The following MYBPC1 variants were observed in gnomAD, a reference collection of about 807,000 sequenced individuals.
MYBPC1 encodes the protein myosin binding protein C1, also known as myosin-binding protein C, slow-type.
A neutral mutation model predicts 147.1 loss-of-function variants in MYBPC1; 52 were observed. That is an observed-to-expected ratio of 0.35 (90% CI 0.28 to 0.45). The LOEUF is 0.45. MYBPC1 is among the 20% of genes least tolerant of loss of function. The pLI, the probability that MYBPC1 is intolerant of heterozygous loss-of-function variation, is 1.00. For missense variants in MYBPC1, 1,228 were observed against 1,440.3 expected, an observed-to-expected ratio of 0.85 and a Z score of 2.39; for synonymous variants, 477 against 475.9, an observed-to-expected ratio of 1.00 and a Z score of -0.03.
chr12:101,664,105 T>C (rs994400640), intron 22 of MYBPC1, among the ~76,000 whole-genome samples: 7 of 152,308 alleles, frequency 4.6e-5, no homozygotes, highest in African/African-American at 9.6e-5. Flanking sequence ...AAGTTCAATA[T>C]GTAGCAGTAA....
intron 22 of MYBPC1, chr12:101,666,623 A>C: frequency 6.0e-6 from 6 of 998,462 alleles, no homozygotes; most frequent in Non-Finnish European, 7.9e-6. Flanking sequence ...CACTGCTCTG[A>C]GGACAAATCT....
intron 28 of MYBPC1, among the ~76,000 whole-genome samples, chr12:101,678,441 C>T (rs1469484372): frequency 2.6e-5 from 4 of 152,180 alleles, no homozygotes; most frequent in Non-Finnish European, 2.9e-5. Flanking sequence ...CTAAGGGATT[C>T]CTTCTAAAGA....
chr12:101,673,146 T>C (rs944841445), intron 24 of MYBPC1, among the ~76,000 whole-genome samples: 1 of 152,202 alleles, frequency 6.6e-6, no homozygotes, highest in African/African-American at 2.4e-5. Flanking sequence ...CTGCAGGACC[T>C]TGGACAAATT....
At chr12:101,663,612 G>T in intron 22 of MYBPC1, 52 bp downstream of exon 22, 1 of 1,579,574 alleles carries the variant, frequency 6.3e-7, no homozygotes, top group Non-Finnish European at 8.7e-7. Flanking sequence ...GGTGAGATAT[G>T]TCCCTCCCCT....
Position 101,682,617 on chromosome 12 carries a change from A to T in MYBPC1, c.3447A>T (p.Gly1149=), listed in dbSNP as rs1328404335. The change falls in exon 30 of 32, where the codon GGA becomes GGT. Residue 1149 remains glycine (G), a synonymous_variant. Transcript: ENST00000361466. ...CTGATTCTGCAGTGATATATCAAGG[A>T]GTAAATACCCCTGGACAACCAGTCT... ...CKLEVKVIYQ[G]VNTPGQPVFL... is the part of the protein sequence containing the mutation. The T allele has an allele frequency of 6.2e-7, 1 of 1,612,782 alleles. No homozygotes were observed. Among genetic ancestry groups the T allele is most frequent in the African/African-American group, 1.3e-5 (1 of 74,908 alleles).
Position 101,649,438 on chromosome 12 carries a change from T to G in MYBPC1, c.1363+12T>G. On this transcript the variant is annotated intron_variant, in intron 15 of 31. Coordinates refer to ENST00000361466, the MANE Select transcript of MYBPC1 (RefSeq NM_002465.4). ...ACTTAGTGTTGACTGTAAGTGAGAC[T>G]TCTTTAGATGTCTTCTCAGTGGGCT... 6.2e-7 allele frequency: 1 copy of G among 1,612,306 alleles called. No individual in the cohort carries two copies. The highest frequency in any genetic ancestry group is 1.3e-5 in the African/African-American group (1 of 74,996).
intron 29 of MYBPC1, among the ~76,000 whole-genome samples, chr12:101,681,555 CATATATATATATATATAT>C (rs1206495774): frequency 5.8e-3 from 134 of 23,170 alleles, no homozygotes; most frequent in African/African-American, 0.011. Flanking sequence ...AAATAACTTT[CATATATATATATATATAT>C]ATATATATAT....
intron 13 of MYBPC1, among the ~76,000 whole-genome samples, chr12:101,647,822 G>A (rs906946648): frequency 1.3e-5 from 2 of 152,120 alleles, no homozygotes; most frequent in African/African-American, 4.8e-5. Flanking sequence ...AGGGGGTGGA[G>A]GTTACATTAA....
chr12:101,681,365 C>T (rs1428161765), intron 29 of MYBPC1, among the ~76,000 whole-genome samples: 3 of 151,372 alleles, frequency 2.0e-5, no homozygotes, highest in African/African-American at 7.3e-5. Flanking sequence ...ATTATATTGC[C>T]ATTCTGTAAT....
intron 1 of MYBPC1, among the ~76,000 whole-genome samples, chr12:101,607,152 C>T (rs1298094585): frequency 6.6e-6 from 1 of 152,124 alleles, no homozygotes; most frequent in Non-Finnish European, 1.5e-5. Flanking sequence ...CAGAATCAAA[C>T]ATCTCTAAGC....
At chr12:101,639,834 A>G (rs747425217) in intron 10 of MYBPC1, among the ~76,000 whole-genome samples, 5 of 152,078 alleles carry the variant, frequency 3.3e-5, no homozygotes, top group Non-Finnish European at 5.9e-5. Flanking sequence ...TAGCTGAAAT[A>G]TGTAATGTAT....
chr12:101,676,203 A>T (rs1899952672), intron 26 of MYBPC1, among the ~76,000 whole-genome samples: 1 of 152,240 alleles, frequency 6.6e-6, no homozygotes, highest in Non-Finnish European at 1.5e-5. Context: ...TAATGTGTTT[A>T]AAAAGCAACC....
At chr12:101,674,988 C>T (rs1899600192) in intron 25 of MYBPC1, among the ~76,000 whole-genome samples, 2 of 151,718 alleles carry the variant, frequency 1.3e-5, no homozygotes, top group African/African-American at 4.9e-5. Context: ...ACCAAAGGGG[C>T]AACTTCCTGT....
At chr12:101,670,984 A>AAT (rs1898539134) in intron 24 of MYBPC1, among the ~76,000 whole-genome samples, 1 of 90,188 alleles carries the variant, frequency 1.1e-5, no homozygotes, top group Non-Finnish European at 3.0e-5. Flanking sequence ...GTCTTATACA[A>AAT]ATACACACAC....
At chr12:101,689,556 G>C (rs10778140), downstream of MYBPC1, among the ~76,000 whole-genome samples, 103,000 of 151,770 alleles carry the variant, frequency 0.68, 35,190 homozygotes, top group African/African-American at 0.71. Context: ...GAGGAACAGC[G>C]AGTAGGAGAG....
intron 19 of MYBPC1, among the ~76,000 whole-genome samples, chr12:101,660,957 A>T (rs1896446241): frequency 6.6e-6 from 1 of 152,216 alleles, no homozygotes; most frequent in African/African-American, 2.4e-5. Flanking sequence ...AACATGTGGG[A>T]ATTATGGGAG....
downstream of MYBPC1, among the ~76,000 whole-genome samples, chr12:101,689,435 C>A (rs958318348): frequency 6.6e-6 from 1 of 152,030 alleles, no homozygotes; most frequent in Non-Finnish European, 1.5e-5. Context: ...ATGGTCAAAC[C>A]CAGTATGGTT....
intron 1 of MYBPC1, among the ~76,000 whole-genome samples, chr12:101,606,284 C>A (rs1334168870): frequency 6.6e-6 from 1 of 151,808 alleles, no homozygotes; most frequent in African/African-American, 2.4e-5. Context: ...GATATCATTA[C>A]ACATTATGTA....
chr12:101,605,793 C>T (rs1176992649), intron 1 of MYBPC1, among the ~76,000 whole-genome samples: 1 of 151,702 alleles, frequency 6.6e-6, no homozygotes, highest in Non-Finnish European at 1.5e-5. Flanking sequence ...ACCTGGGAGG[C>T]AGAGGTTGTA....
Sources: gnomAD v4.1 joint callset for allele counts (sites outside exome capture counted in the v4.1 genomes callset) on GRCh38, gnomAD v4.1.1 for gene constraint, MANE v1.5 for transcripts, NCBI Gene and HGNC (gene_info 2026-07-23, HGNC 2026-07-21) for gene names.